The following SLC25A13 variants were observed in gnomAD, a reference collection of about 807,000 sequenced individuals.
SLC25A13 encodes solute carrier family 25 member 13.
SLC25A13 carries 70 observed loss-of-function variants against 85.5 expected under a neutral mutation model. The observed-to-expected ratio is 0.82, with a 90% CI of 0.68 to 1.00. The LOEUF is 1.00. SLC25A13 is among the 50% of genes least tolerant of loss of function. The pLI is 0.00. For missense variants in SLC25A13, 765 were observed against 819.8 expected (o/e 0.93, Z 0.82); for synonymous variants, 259 against 288.7 (o/e 0.90, Z 1.04).
rs114353976 is a variant in SLC25A13, at chr7:96,200,367, C to A, written c.469-7184G>T. 4.7e-3 allele frequency among the ~76,000 whole-genome samples: 711 copies of A among 152,280 alleles called. 6 individuals are homozygous for A. The highest frequency in any genetic ancestry group is 0.016 in the African/African-American group (673 of 41,554). On this transcript the variant is annotated intron_variant, in intron 5 of 17. Coordinates refer to ENST00000265631, the MANE Select transcript of SLC25A13 (RefSeq NM_014251.3). ...TACATCACATATCAGTACCTGTATA[C>A]TGGTTTGCATATAAATATCCACTTT...
intron 3 of SLC25A13, among the ~76,000 whole-genome samples, chr7:96,262,855 C>A (rs999120997): frequency 2.0e-5 from 3 of 152,134 alleles, no homozygotes; most frequent in African/African-American, 7.2e-5. Flanking sequence ...AATTATTTAA[C>A]CTCTCTAATT....
intron 5 of SLC25A13, among the ~76,000 whole-genome samples, chr7:96,194,667 A>T (rs939283369): frequency 6.6e-6 from 1 of 152,138 alleles, no homozygotes; most frequent in Admixed American, 6.5e-5. Flanking sequence ...ACTGCTTTAA[A>T]GTACTCGATC....
intron 4 of SLC25A13, among the ~76,000 whole-genome samples, chr7:96,223,569 C>CCTCA (rs1374065978): frequency 1.3e-5 from 2 of 152,112 alleles, no homozygotes; most frequent in African/African-American, 4.8e-5. Flanking sequence ...GGGTGGATTG[C>CCTCA]CTCAGCTCAG....
intron 11 of SLC25A13, among the ~76,000 whole-genome samples, chr7:96,183,642 T>C (rs1467340220): frequency 1.3e-5 from 2 of 152,190 alleles, no homozygotes; most frequent in Non-Finnish European, 2.9e-5. Context: ...GTCTGTGGGA[T>C]CCTTTCCATC....
intron 3 of SLC25A13, among the ~76,000 whole-genome samples, chr7:96,258,113 T>C (rs1336073884): frequency 3.9e-5 from 6 of 152,144 alleles, no homozygotes; most frequent in African/African-American, 1.2e-4. Flanking sequence ...GCCAATATCA[T>C]ACTAAATGGG....
intron 3 of SLC25A13, among the ~76,000 whole-genome samples, chr7:96,247,187 G>C (rs1383630285): frequency 6.6e-6 from 1 of 152,126 alleles, no homozygotes; most frequent in Non-Finnish European, 1.5e-5. Context: ...TTTCTCTCCG[G>C]TTTAGCATAA....
rs1798488507 is a variant in SLC25A13 at position 96,277,243 on chromosome 7, TGGATTA to T, written c.159_164del (p.Asn54_Pro55del). On this transcript the variant is annotated inframe_deletion, in exon 3 of 18. Transcript: ENST00000265631. ...CTCCACTTAAAAGTTCCACAGTCTT[TGGATTA>T]GGCTGGCTTTCTCCAAAAATGTTCA... The T allele has an allele frequency of 6.2e-7, 1 of 1,610,098 alleles. No individual in the cohort carries two copies. The highest frequency in any genetic ancestry group is 2.2e-5 in the East Asian group (1 of 44,720).
chr7:96,121,265 T>G lies in SLC25A13; in HGVS notation c.1954A>C (p.Asn652His). The change falls in exon 18 of 18, where the codon AAC (asparagine) becomes CAC (histidine). Residue 652 changes from asparagine to histidine, a missense_variant. Physicochemically the swap from Asn to His is moderately conservative, Grantham distance 68. Transcript: ENST00000265631. ...AGAGGTAGGTAAAGTCCAAATTTGT[T>G]TTCAATCCCTGCAAATGTAGCAACT... ...LAVATFAGIE[N>H]KFGLYLPLFK... 6 of 1,614,140 alleles carry G rather than the reference T, an allele frequency of 3.7e-6. No homozygotes were observed. Among genetic ancestry groups the G allele is most frequent in the Non-Finnish European group, 5.1e-6 (6 of 1,180,014 alleles).
chr7:96,125,038 A>G (rs1791668864), intron 15 of SLC25A13, among the ~76,000 whole-genome samples: 2 of 152,202 alleles, frequency 1.3e-5, no homozygotes, highest in South Asian at 4.2e-4. Flanking sequence ...GAGACCTACC[A>G]CAGGTTTAAC....
chr7:96,159,445 A>G (rs950001309), intron 13 of SLC25A13, among the ~76,000 whole-genome samples: 2 of 152,190 alleles, frequency 1.3e-5, no homozygotes, highest in African/African-American at 4.8e-5. Flanking sequence ...TAAGACACAG[A>G]CGACACATGG....
chr7:96,284,547 T>G (rs1217555527), intron 2 of SLC25A13, among the ~76,000 whole-genome samples: 3 of 152,220 alleles, frequency 2.0e-5, no homozygotes, highest in Non-Finnish European at 4.4e-5. Context: ...CTACAGAGAT[T>G]TAGTTACTTG....
chr7:96,121,984 T>A lies in SLC25A13; in HGVS notation c.1605A>T (p.Ala535=), dbSNP rs776103327. 2 of 1,614,130 alleles carry A rather than the reference T, an allele frequency of 1.2e-6. No individual in the cohort carries two copies. The highest frequency in any genetic ancestry group is 2.2e-5 in the South Asian group (2 of 91,070). ...TAACATCAGCAGGGGTCACTAAAGATGCTGCAGGCATACCTGCAGGAGAGA... is the reference window on the plus strand; with the variant it reads ...TAACATCAGCAGGGGTCACTAAAGAAGCTGCAGGCATACCTGCAGGAGAGA... ...LAGAIAGMPA[A]SLVTPADVIK... is the part of the protein sequence containing the mutation. The change falls in exon 16 of 18, where the codon GCA becomes GCT. Residue 535 remains alanine (A), a synonymous_variant. Coordinates refer to ENST00000265631, the MANE Select transcript of SLC25A13 (RefSeq NM_014251.3).
chr7:96,265,063 G>A (rs1052626785), intron 3 of SLC25A13, among the ~76,000 whole-genome samples: 7 of 152,152 alleles, frequency 4.6e-5, no homozygotes, highest in Non-Finnish European at 7.3e-5. Context: ...GATAACTGGG[G>A]ATGTTCTTCT....
intron 1 of SLC25A13, among the ~76,000 whole-genome samples, chr7:96,321,403 C>G (rs1200448219): frequency 6.6e-6 from 1 of 152,298 alleles, no homozygotes; most frequent in East Asian, 1.9e-4. Flanking sequence ...ACTTTTTATT[C>G]ACAAAGGCGC....
At chr7:96,206,479 G>A (rs1163588225) in intron 5 of SLC25A13, among the ~76,000 whole-genome samples, 1 of 152,124 alleles carries the variant, frequency 6.6e-6, no homozygotes, top group Non-Finnish European at 1.5e-5. Context: ...AACATGAAAT[G>A]GAAGGAAGGA....
intron 3 of SLC25A13, among the ~76,000 whole-genome samples, chr7:96,272,237 G>T (rs189974955): frequency 7.3e-4 from 111 of 152,072 alleles, no homozygotes; most frequent in Admixed American, 2.0e-3. Context: ...TATACCTTCA[G>T]AGGTCTTCCA....
intron 15 of SLC25A13, among the ~76,000 whole-genome samples, chr7:96,130,845 T>A (rs143999113): frequency 7.2e-5 from 11 of 152,228 alleles, no homozygotes; most frequent in Non-Finnish European, 1.5e-4. Context: ...TAACTAAGAA[T>A]TAAGGAGGAG....
At chr7:96,177,341 T>C (rs1794261265) in intron 11 of SLC25A13, among the ~76,000 whole-genome samples, 1 of 152,218 alleles carries the variant, frequency 6.6e-6, no homozygotes, top group African/African-American at 2.4e-5. Flanking sequence ...TTCAACTATG[T>C]TATTAAGCTG....
chr7:96,152,745 T>G (rs1009589224), intron 13 of SLC25A13, among the ~76,000 whole-genome samples: 6 of 152,002 alleles, frequency 3.9e-5, no homozygotes, highest in African/African-American at 1.4e-4. Context: ...CATGAAGTGA[T>G]GAAAAACCTC....
Sources: gnomAD v4.1 joint callset for allele counts (sites outside exome capture counted in the v4.1 genomes callset) on GRCh38, gnomAD v4.1.1 for gene constraint, MANE v1.5 for transcripts, NCBI Gene and HGNC (gene_info 2026-07-23, HGNC 2026-07-21) for gene names.